The following DIP2C variants were observed in gnomAD, a reference collection of about 807,000 sequenced individuals.
DIP2C encodes the protein disco-interacting protein 2 homolog C.
DIP2C carries 33 observed loss-of-function variants against 192.4 expected under a neutral mutation model. The ratio of observed to expected loss-of-function variants is 0.17; its 90% CI spans 0.13 to 0.23. DIP2C has a LOEUF of 0.23. Ranked by LOEUF, DIP2C falls within the 10% of genes least tolerant of loss-of-function variation. DIP2C has a pLI of 1.00. For synonymous variants in DIP2C, 979 were observed against 864.1 expected (o/e 1.13, Z -2.33); for missense variants, 1,537 against 2,110.1 (o/e 0.73, Z 5.32).
intron 29 of DIP2C, among the ~76,000 whole-genome samples, chr10:332,597 G>T (rs1304257191): frequency 2.0e-5 from 3 of 152,156 alleles, no homozygotes; most frequent in Non-Finnish European, 4.4e-5. Flanking sequence ...TTAAGAGCAG[G>T]TTGCTTATTC....
chr10:670,083 C>A lies in DIP2C; in HGVS notation c.85+19411G>T, dbSNP rs981197229. On this transcript the variant is annotated intron_variant, in intron 1 of 36. Transcript: ENST00000280886. ...AGGAAAAGGCATATCTGTGCACACA[C>A]ACATGCATACACACACATCCACACG... 5.3e-5 allele frequency among the ~76,000 whole-genome samples: 8 copies of A among 152,178 alleles called. No homozygotes were observed. The East Asian group carries it at 1.5e-3, about 29-fold the overall frequency.
intron 1 of DIP2C, among the ~76,000 whole-genome samples, chr10:576,235 G>A (rs1028169787): frequency 1.3e-5 from 2 of 152,260 alleles, no homozygotes; most frequent in African/African-American, 2.4e-5. Context: ...AGCTGCAGAA[G>A]GAAGGGAGCT....
intron 1 of DIP2C, among the ~76,000 whole-genome samples, chr10:523,430 G>A (rs11252958): frequency 0.28 from 4,091 of 14,360 alleles, 265 homozygotes; most frequent in East Asian, 0.35. Context: ...AGATGCAGGG[G>A]CTCTGTGTCA....
intron 17 of DIP2C, among the ~76,000 whole-genome samples, chr10:380,808 A>C (rs1962300172): frequency 6.6e-6 from 1 of 152,202 alleles, no homozygotes. Context: ...GCCGTTTTTC[A>C]CTTAATAACC....
chr10:419,306 G>A, intron 5 of DIP2C, 107 bp from the exon 6 acceptor site: 3 of 1,522,212 alleles, frequency 2.0e-6, no homozygotes, highest in Non-Finnish European at 1.8e-6. Flanking sequence ...CTCACCCTGG[G>A]TGTGCCATGG....
Position 277,126 on chromosome 10 carries a change from AT to A in DIP2C, c.*198del. 1 of 698,960 alleles carries A rather than the reference AT, an allele frequency of 1.4e-6. No individual in the cohort carries two copies. Among genetic ancestry groups the A allele is most frequent in the Non-Finnish European group, 2.2e-6 (1 of 455,314 alleles). The allele number at this position is 698,960 out of a possible 1,614,324, so 43.3% of individuals were successfully genotyped here. ...GTAATCCAAAGTCCTTCTGAGCGAAATTCAGTGGTAAATTCACATTTCACCC... is the reference window on the plus strand; with the variant it reads ...GTAATCCAAAGTCCTTCTGAGCGAAATCAGTGGTAAATTCACATTTCACCC... On this transcript the variant is annotated 3_prime_UTR_variant, in exon 37 of 37. Transcript: ENST00000280886.
intron 31 of DIP2C, among the ~76,000 whole-genome samples, chr10:316,432 G>A (rs1166495369): frequency 6.6e-6 from 1 of 152,162 alleles, no homozygotes; most frequent in African/African-American, 2.4e-5. Flanking sequence ...TAGGTAACTG[G>A]GTGATTCTCT....
chr10:471,400 T>C (rs1025870101), intron 3 of DIP2C, among the ~76,000 whole-genome samples: 1 of 152,146 alleles, frequency 6.6e-6, no homozygotes, highest in African/African-American at 2.4e-5. Context: ...ACTCACAGGC[T>C]TCCTCGACCA....
intron 3 of DIP2C, among the ~76,000 whole-genome samples, chr10:465,728 T>C (rs2133402005): frequency 6.6e-6 from 1 of 151,776 alleles, no homozygotes; most frequent in African/African-American, 2.4e-5. Context: ...ATCACAAGCA[T>C]TCTTATACAC....
chr10:454,650 T>C (rs913528058), intron 3 of DIP2C, among the ~76,000 whole-genome samples: 6 of 148,302 alleles, frequency 4.0e-5, no homozygotes, highest in African/African-American at 1.0e-4. Context: ...AGAGGTAGTA[T>C]ACAAATGCAC....
chr10:554,663 C>A (rs762686613), intron 1 of DIP2C, among the ~76,000 whole-genome samples: 1 of 152,204 alleles, frequency 6.6e-6, no homozygotes, highest in Non-Finnish European at 1.5e-5. Context: ...GCAAGGCTGC[C>A]GTGGAGTCCT....
At position 281,188 on chromosome 10, in the gene DIP2C, C is replaced by T. The variant is rs368435737; in HGVS notation, c.4418+12G>A. 1.8e-4 allele frequency: 291 copies of T among 1,613,380 alleles called. No individual in the cohort carries two copies. Among genetic ancestry groups the T allele is most frequent in the Non-Finnish European group, 2.4e-4 (287 of 1,179,472 alleles). On this transcript the variant is annotated intron_variant, in intron 36 of 36. Coordinates refer to ENST00000280886, the MANE Select transcript of DIP2C (RefSeq NM_014974.3). ...TCCTGATTTGGGTACAAGCTGCAAG[C>T]TCACGACTTACCATTCCGTAACGCT...
At chr10:439,356 G>A (rs760564356) in intron 4 of DIP2C, among the ~76,000 whole-genome samples, 14 of 152,100 alleles carry the variant, frequency 9.2e-5, no homozygotes, top group Admixed American at 5.2e-4. Flanking sequence ...TTGCTAGCAC[G>A]GCGTTCACTC....
chr10:483,305 T>A (rs923095368), intron 2 of DIP2C, among the ~76,000 whole-genome samples: 6 of 152,234 alleles, frequency 3.9e-5, no homozygotes, highest in African/African-American at 1.4e-4. Context: ...GAAAGAAAGA[T>A]GTTTTCCACG....
intron 32 of DIP2C, among the ~76,000 whole-genome samples, chr10:300,441 T>C (rs1264127266): frequency 6.6e-6 from 1 of 151,314 alleles, no homozygotes. Context: ...CTACCTAGAG[T>C]AGTCAAATTC....
At chr10:451,852 G>A (rs1206764758) in intron 3 of DIP2C, among the ~76,000 whole-genome samples, 1 of 152,172 alleles carries the variant, frequency 6.6e-6, no homozygotes, top group East Asian at 1.9e-4. Context: ...TTGAAGAAAT[G>A]CGGGTTTTTT....
chr10:616,021 CTTTTG>C (rs984272719), intron 1 of DIP2C, among the ~76,000 whole-genome samples: 1 of 152,140 alleles, frequency 6.6e-6, no homozygotes, highest in African/African-American at 2.4e-5. Flanking sequence ...ATTTATCACC[CTTTTG>C]TTTTATCCTG....
intron 1 of DIP2C, among the ~76,000 whole-genome samples, chr10:497,122 C>T (rs891720555): frequency 2.0e-5 from 3 of 151,838 alleles, no homozygotes; most frequent in Admixed American, 2.0e-4. Flanking sequence ...AAGACTCCAC[C>T]TCGAAATCAA....
At chr10:431,656 T>C (rs548925100) in intron 4 of DIP2C, among the ~76,000 whole-genome samples, 4 of 152,252 alleles carry the variant, frequency 2.6e-5, no homozygotes, top group Non-Finnish European at 5.9e-5. Context: ...TCAATTCTTT[T>C]GGATCTTCTA....
Sources: allele counts gnomAD v4.1 joint callset (sites outside exome capture counted in the v4.1 genomes callset), GRCh38; gene constraint gnomAD v4.1.1; transcripts MANE v1.5; gene names NCBI Gene and HGNC (gene_info 2026-07-23, HGNC 2026-07-21).